Variants in FAM199X observed in about 807,000 individuals in gnomAD.
The protein encoded by FAM199X is family with sequence similarity 199, X-linked, also known as protein FAM199X.
In FAM199X, 4 loss-of-function variants were observed where a neutral mutation model predicts 22.9. The observed-to-expected ratio is 0.17, with a 90% CI of 0.09 to 0.40. The LOEUF (loss-of-function observed/expected upper bound fraction) is 0.40, where lower values mean the gene tolerates loss of function less well. Among genes scored for constraint, FAM199X ranks in the 10% least tolerant of loss-of-function variants. The pLI is 1.00. For missense variants in FAM199X, 183 were observed against 306.8 expected, an observed-to-expected ratio of 0.60 and a Z score of 3.01; for synonymous variants, 101 against 112.3, an observed-to-expected ratio of 0.90 and a Z score of 0.64.
chrX:104,161,564 AAG>A (rs1178954424), upstream of FAM199X, among the ~76,000 whole-genome samples: 32 of 112,249 alleles, frequency 2.9e-4, no homozygotes, highest in Non-Finnish European at 3.8e-5. Flanking sequence ...AAGAAGAAGA[AAG>A]AGGCTGGGCG....
In FAM199X at chrX:104,188,141, T is replaced by G; in HGVS notation, c.831T>G (p.Gly277=). ...FSCASTSGVS[G]ASASASSSSA... ...GTGCAAGCACCAGTGGAGTGAGCGGTGCCAGTGCCAGCGCCAGCAGCAGCA... is the reference window on the plus strand; with the variant it reads ...GTGCAAGCACCAGTGGAGTGAGCGGGGCCAGTGCCAGCGCCAGCAGCAGCA... The change falls in exon 5 of 6, where the codon GGT becomes GGG. Residue 277 remains glycine, a synonymous_variant. Transcript: ENST00000493442. The G allele has an allele frequency of 1.7e-6, 2 of 1,211,390 alleles. No individual in the cohort carries two copies. The highest frequency in any genetic ancestry group is 2.2e-6 in the Non-Finnish European group (2 of 895,487).
At position 104,192,375 on chromosome X, in the gene FAM199X, A is replaced by G. The variant is rs1175100045; in HGVS notation, c.*2597A>G. 3.6e-5 allele frequency: 4 copies of G among 112,037 alleles called. No individual in the cohort carries two copies. The highest frequency in any genetic ancestry group is 7.5e-5 in the Non-Finnish European group (4 of 53,052). 9.2% of individuals were successfully genotyped at this position (112,037 alleles called of 1,213,427 possible). A position where few individuals can be genotyped will look rare whatever the true frequency, so the allele number is the denominator to read the frequency against. ...ATTAATTAATAAAAAGGCAAGACTT[A>G]CTTGCTGTAGTATTGGTTCTCATCT... On this transcript the variant is annotated 3_prime_UTR_variant, in exon 6 of 6. Transcript: ENST00000493442.
At chrX:104,181,989 T>A (rs1462722245) in intron 2 of FAM199X, among the ~76,000 whole-genome samples, 1 of 108,174 alleles carries the variant, frequency 9.2e-6, no homozygotes, top group African/African-American at 3.4e-5. Flanking sequence ...TTTCTTTTTT[T>A]TCTTTTTTTT....
rs1486710775 is a variant in FAM199X at position 104,194,331 on chromosome X, A to G, written c.*4553A>G. 9.0e-6 allele frequency: 1 copy of G among 111,348 alleles called. No homozygotes were observed. The highest frequency in any genetic ancestry group is 1.9e-5 in the Non-Finnish European group (1 of 52,856). 9.2% of individuals were successfully genotyped at this position (111,348 alleles called of 1,213,427 possible). On this transcript the variant is annotated 3_prime_UTR_variant, in exon 6 of 6. Transcript: ENST00000493442. ...GAGGGATGGGGGTGAAAAAGGGGAGACTTGCTCTAATTATGCATATACATT... is the reference window on the plus strand; with the variant it reads ...GAGGGATGGGGGTGAAAAAGGGGAGGCTTGCTCTAATTATGCATATACATT...
rs782739846 is a variant in FAM199X at position 104,195,436 on chromosome X, A to G, written c.*5658A>G. ...TTATTTTTTTTTCTGGACAGATCAG[A>G]TTTCTAGAGAGAGCAGATTTCTAGA... On this transcript the variant is annotated 3_prime_UTR_variant, in exon 6 of 6. Coordinates refer to ENST00000493442, the MANE Select transcript of FAM199X (RefSeq NM_207318.4). 2.4e-4 allele frequency: 27 copies of G among 111,690 alleles called. No individual in the cohort carries two copies. Among genetic ancestry groups the G allele is most frequent in the African/African-American group, 8.4e-4 (26 of 30,796 alleles). The allele number at this position is 111,690 out of a possible 1,213,427, so 9.2% of individuals were successfully genotyped here.
In FAM199X at chrX:104,175,626, G is replaced by A. The variant is rs1556376250; in HGVS notation, c.201G>A (p.Trp67Ter). The A allele has an allele frequency of 8.3e-7, 1 of 1,206,070 alleles. No homozygotes were observed. Among genetic ancestry groups the A allele is most frequent in the Admixed American group, 2.2e-5 (1 of 45,437 alleles). The change falls in exon 2 of 6, where the codon TGG becomes TGA. Residue 67 changes from tryptophan to a stop codon, truncating the protein, a stop_gained. Transcript: ENST00000493442. LOFTEE classifies it high-confidence loss of function. ...CTTTCGTGTTGTGTTTTTGAAGGTG[G>A]AACCTAACTTCTTGTGGAACAAGTG... ...DPLHRFHTNR[W>*]NLTSCGTSVA...
chrX:104,172,373 C>T (rs902952225), intron 1 of FAM199X, among the ~76,000 whole-genome samples: 1 of 107,115 alleles, frequency 9.3e-6, no homozygotes, highest in Admixed American at 1.0e-4. Flanking sequence ...GAGCCATGGT[C>T]GCACCACTGC....
In FAM199X at chrX:104,188,044, G is replaced by A. The variant is rs782074075; in HGVS notation, c.734G>A (p.Arg245Lys). The change falls in exon 5 of 6, where the codon AGA becomes AAA. Residue 245 changes from arginine (R) to lysine (K), a missense_variant. Transcript: ENST00000493442. ...CLTDEKLKQVRNYIKEHSPRQ... is the reference protein window; with the variant it reads ...CLTDEKLKQVKNYIKEHSPRQ... ...TTTGTGTTTGTGCATCCCAAGGTCA[G>A]AAACTATATCAAGGAACATAGCCCT... is the stretch of plus-strand genomic sequence containing the variant. The A allele has an allele frequency of 1.7e-6, 2 of 1,210,550 alleles. No individual in the cohort carries two copies. The highest frequency in any genetic ancestry group is 2.2e-6 in the Non-Finnish European group (2 of 894,397).
At chrX:104,180,459 C>T (rs1556377605) in intron 2 of FAM199X, among the ~76,000 whole-genome samples, 2 of 110,451 alleles carry the variant, frequency 1.8e-5, no homozygotes. Context: ...TGCAAGGTGG[C>T]AGGCATTTTT....
intron 2 of FAM199X, among the ~76,000 whole-genome samples, chrX:104,176,834 C>T (rs1181233333): frequency 3.6e-5 from 4 of 111,159 alleles, no homozygotes; most frequent in African/African-American, 9.8e-5. Flanking sequence ...ATGGCTATTT[C>T]GGTTGGTTTC....
At chrX:104,178,778 A>G (rs1423624237) in intron 2 of FAM199X, among the ~76,000 whole-genome samples, 1 of 111,453 alleles carries the variant, frequency 9.0e-6, no homozygotes, top group Non-Finnish European at 1.9e-5. Context: ...ACACTGTTTT[A>G]GTTATTATAG....
rs190328897 is a variant in FAM199X, at chrX:104,178,428, A to G, written c.417+2586A>G. Among the ~76,000 whole-genome samples, 9 of 111,109 alleles carry G rather than the reference A, an allele frequency of 8.1e-5. No individual in the cohort carries two copies. In the South Asian group the frequency reaches 2.7e-3, roughly 33 times the overall value. ...GCGATCTGCCTGCCTCGGCCTCCCAAAGTGCTAGGATTACAGGTGCATTCT... is the reference window on the plus strand; with the variant it reads ...GCGATCTGCCTGCCTCGGCCTCCCAGAGTGCTAGGATTACAGGTGCATTCT... On this transcript the variant is annotated intron_variant, in intron 2 of 5. Transcript: ENST00000493442.
chrX:104,182,937 A>G (rs1921700149), intron 2 of FAM199X, among the ~76,000 whole-genome samples: 1 of 111,374 alleles, frequency 9.0e-6, no homozygotes, highest in Non-Finnish European at 1.9e-5. Context: ...CAAAGAAACA[A>G]ACTAACCTAC....
At chrX:104,160,132 G>C in the FAM199X span, among the ~76,000 whole-genome samples, 2 of 112,270 alleles carry the variant, frequency 1.8e-5, no homozygotes, top group Non-Finnish European at 3.8e-5. Context: ...ATCATGTAAA[G>C]AAGTCCCTCT....
chrX:104,188,076 C>T lies in FAM199X; in HGVS notation c.766C>T (p.Arg256Trp), dbSNP rs1351560839. 4 of 1,211,780 alleles carry T rather than the reference C, an allele frequency of 3.3e-6. No homozygotes were observed. The highest frequency in any genetic ancestry group is 3.0e-5 in the East Asian group (1 of 33,838). Residue 256 changes from arginine (R) to tryptophan (W), a missense_variant, in exon 5 of 6, where the codon CGG (arginine) becomes TGG (tryptophan). Coordinates refer to ENST00000493442, the MANE Select transcript of FAM199X (RefSeq NM_207318.4). ...NYIKEHSPRQ[R>W]PAREAWKRSN... ...TATCAAGGAACATAGCCCTCGCCAA[C>T]GGCCTGCAAGAGAGGCCTGGAAGAG...
At chrX:104,187,347 G>T (rs1438519498) in intron 4 of FAM199X, among the ~76,000 whole-genome samples, 1 of 111,955 alleles carries the variant, frequency 8.9e-6, no homozygotes, top group African/African-American at 3.2e-5. Flanking sequence ...CTCCCAAAGT[G>T]CTGGGATTAC....
rs1427551505 is a variant in FAM199X at position 104,191,982 on chromosome X, C to G, written c.*2204C>G. The G allele has an allele frequency of 1.8e-5, 2 of 111,762 alleles. No homozygotes were observed. The highest frequency in any genetic ancestry group is 3.8e-5 in the Non-Finnish European group (2 of 53,046). 9.2% of individuals were successfully genotyped at this position (111,762 alleles called of 1,213,427 possible). On this transcript the variant is annotated 3_prime_UTR_variant, in exon 6 of 6. Coordinates refer to ENST00000493442, the MANE Select transcript of FAM199X (RefSeq NM_207318.4). ...GAAATTTTGTGTAAATCCAGATGAA[C>G]TGTCATTATAGTACTATAAATTAGA...
intron 1 of FAM199X, among the ~76,000 whole-genome samples, chrX:104,167,287 AC>A (rs1168441178): frequency 1.1e-5 from 1 of 94,587 alleles, no homozygotes; most frequent in African/African-American, 4.0e-5. Flanking sequence ...CGAATCCCAA[AC>A]CCCCACCCTT....
chrX:104,183,267 G>A (rs1921709300), intron 2 of FAM199X, among the ~76,000 whole-genome samples: 1 of 108,218 alleles, frequency 9.2e-6, no homozygotes, highest in Non-Finnish European at 1.9e-5. Flanking sequence ...TTTTTTTAGG[G>A]GCCACAGGGA....
Sources: allele counts gnomAD v4.1 joint callset (sites outside exome capture counted in the v4.1 genomes callset), GRCh38; gene constraint gnomAD v4.1.1; transcripts MANE v1.5; gene names NCBI Gene and HGNC (gene_info 2026-07-23, HGNC 2026-07-21).